The following TEX9 variants were observed in gnomAD, a reference collection of about 807,000 sequenced individuals.
TEX9 encodes the protein testis expressed 9, also known as testis-expressed protein 9.
TEX9 carries 74 observed loss-of-function variants against 59.6 expected under a neutral mutation model. The observed-to-expected ratio is 1.24, with a 90% CI of 1.03 to 1.51. The LOEUF is 1.51. Ranked by LOEUF, TEX9 falls within the 40% of genes most tolerant of loss-of-function variation. The probability of loss-of-function intolerance (pLI) is 0.00; values close to 1 mark genes in which losing one functional copy is unlikely to be tolerated. For missense variants in TEX9, 522 were observed against 447.8 expected, an observed-to-expected ratio of 1.17 and a Z score of -1.49; for synonymous variants, 186 against 152.2, an observed-to-expected ratio of 1.22 and a Z score of -1.64.
intron 3 of TEX9, among the ~76,000 whole-genome samples, chr15:56,376,113 C>T (rs973950154): frequency 2.0e-5 from 3 of 149,248 alleles, no homozygotes; most frequent in African/African-American, 4.9e-5. Context: ...GGAGATATAC[C>T]TAATGCTAAA....
intron 1 of TEX9, among the ~76,000 whole-genome samples, chr15:56,277,608 C>T (rs567795629): frequency 6.6e-6 from 1 of 152,298 alleles, no homozygotes; most frequent in African/African-American, 2.4e-5. Flanking sequence ...AGCATGTTGC[C>T]TCCAGCTTTG....
chr15:56,378,332 G>T (rs1440400459), intron 3 of TEX9, among the ~76,000 whole-genome samples: 1 of 152,074 alleles, frequency 6.6e-6, no homozygotes, highest in African/African-American at 2.4e-5. Context: ...AATTCGCAGT[G>T]CAGCCATCAG....
chr15:56,375,182 T>G (rs977827918), intron 3 of TEX9, among the ~76,000 whole-genome samples: 1 of 152,174 alleles, frequency 6.6e-6, no homozygotes, highest in African/African-American at 2.4e-5. Context: ...AGCTGTTGTT[T>G]CCTGACTTTT....
intron 10 of TEX9, among the ~76,000 whole-genome samples, chr15:56,420,375 T>C (rs759517591): frequency 1.6e-4 from 24 of 151,550 alleles, no homozygotes; most frequent in Non-Finnish European, 8.8e-5. Flanking sequence ...TGGCGCAAAC[T>C]TGGCTCACTG....
intron 3 of TEX9, among the ~76,000 whole-genome samples, chr15:56,382,850 A>AT (rs1385564191): frequency 2.6e-5 from 4 of 152,204 alleles, no homozygotes; most frequent in African/African-American, 9.6e-5. Context: ...AAGGCATGGC[A>AT]TAAGCAATCC....
intron 1 of TEX9, among the ~76,000 whole-genome samples, chr15:56,290,715 A>G (rs1242277684): frequency 6.6e-6 from 1 of 151,788 alleles, no homozygotes; most frequent in East Asian, 1.9e-4. Flanking sequence ...TCAGTCTCCC[A>G]AAGTGCTGGA....
chr15:56,410,225 C>T (rs1057465971), intron 9 of TEX9: 2 of 152,114 alleles, frequency 1.3e-5, no homozygotes, highest in African/African-American at 2.4e-5. Flanking sequence ...GAAACCATAT[C>T]TGATTATTTA....
At chr15:56,354,584 A>G (rs1410162120) in intron 1 of TEX9, among the ~76,000 whole-genome samples, 7 of 152,236 alleles carry the variant, frequency 4.6e-5, no homozygotes, top group African/African-American at 1.7e-4. Context: ...TTATTTCACA[A>G]GTATTTAAAC....
chr15:56,412,358 A>G (rs768157277), exon 10 of TEX9: 40 of 1,613,580 alleles, frequency 2.5e-5, no homozygotes, highest in Admixed American at 6.7e-5. Flanking sequence ...AAAGTGCCAC[A>G]GAGGTTCGCT....
At chr15:56,456,418 A>G in the TEX9 span, 1 of 1,609,648 alleles carries the variant, frequency 6.2e-7, no homozygotes. Context: ...TTGTTGCCTC[A>G]TCTTTTCGTC....
upstream of TEX9, among the ~76,000 whole-genome samples, chr15:56,362,513 G>A (rs1207485423): frequency 2.6e-5 from 4 of 151,998 alleles, no homozygotes; most frequent in African/African-American, 7.3e-5. Flanking sequence ...TTTATCCCTC[G>A]ATGTTGTAAA....
intron 1 of TEX9, among the ~76,000 whole-genome samples, chr15:56,351,978 A>G (rs1294400599): frequency 6.6e-6 from 1 of 152,220 alleles, no homozygotes; most frequent in Non-Finnish European, 1.5e-5. Context: ...AGACACTATT[A>G]TCATCCCCTT....
At chr15:56,455,042 T>C in the TEX9 span, among the ~76,000 whole-genome samples, 1 of 152,086 alleles carries the variant, frequency 6.6e-6, no homozygotes, top group Non-Finnish European at 1.5e-5. Context: ...AGCAGAAACC[T>C]CTAGAGGAAA....
chr15:56,272,930 A>T (rs75236098), intron 1 of TEX9, among the ~76,000 whole-genome samples: 316 of 114,688 alleles, frequency 2.8e-3, no homozygotes, highest in African/African-American at 7.4e-3. Flanking sequence ...TTATTTATTT[A>T]TTTATTTATT....
chr15:56,404,325 A>C (rs569571930), intron 9 of TEX9, among the ~76,000 whole-genome samples: 4 of 152,348 alleles, frequency 2.6e-5, no homozygotes, highest in Admixed American at 2.0e-4. Flanking sequence ...TGGGCAAAGG[A>C]TATGAACAGA....
intron 12 of TEX9, among the ~76,000 whole-genome samples, chr15:56,440,680 GGAAATTATGCT>G (rs1181355427): frequency 6.6e-6 from 1 of 151,996 alleles, no homozygotes; most frequent in Admixed American, 6.6e-5. Flanking sequence ...TGAATTTCCA[GGAAATTATGCT>G]GAATAAAAAA....
intron 1 of TEX9, among the ~76,000 whole-genome samples, chr15:56,333,102 G>T (rs936705971): frequency 6.6e-6 from 1 of 151,932 alleles, no homozygotes; most frequent in African/African-American, 2.4e-5. Flanking sequence ...TAAAGAAGAA[G>T]TAATAACAAT....
At chr15:56,443,623 T>C in intron 12 of TEX9, 5 of 1,605,786 alleles carry the variant, frequency 3.1e-6, no homozygotes, top group Non-Finnish European at 4.2e-6. Context: ...GTTAAAGAAG[T>C]GGTTATTTTA....
intron 9 of TEX9, 29 bp from the exon 10 acceptor site, chr15:56,412,273 A>T (rs761586766): frequency 1.3e-6 from 2 of 1,568,840 alleles, no homozygotes; most frequent in South Asian, 2.4e-5. Context: ...TATATTTATA[A>T]ATGTTCCATA....
Sources: gnomAD v4.1 joint callset for allele counts (sites outside exome capture counted in the v4.1 genomes callset) on GRCh38, gnomAD v4.1.1 for gene constraint, MANE v1.5 for transcripts, NCBI Gene and HGNC (gene_info 2026-07-23, HGNC 2026-07-21) for gene names.